Variants in BPI observed in about 807,000 individuals in gnomAD.
BPI encodes bactericidal permeability increasing protein, also known as bactericidal permeability-increasing protein.
In BPI, 48 loss-of-function variants were observed where a neutral mutation model predicts 57.6. The ratio of observed to expected loss-of-function variants is 0.83; its 90% confidence interval spans 0.66 to 1.06. The LOEUF (loss-of-function observed/expected upper bound fraction) is 1.06, where lower values mean the gene tolerates loss of function less well. Ranked by LOEUF, BPI falls within the 50% of genes least tolerant of loss-of-function variation. The pLI is 0.00. For synonymous variants in BPI, 237 were observed against 238.2 expected (o/e 0.99, Z 0.05); for missense variants, 651 against 609.7 (o/e 1.07, Z -0.71).
chr20:38,314,314 T>C (rs986917677), intron 5 of BPI, among the ~76,000 whole-genome samples: 15 of 146,498 alleles, frequency 1.0e-4, no homozygotes, highest in African/African-American at 3.1e-4. Context: ...ATGGTGATGG[T>C]GATGGTGATA....
intron 1 of BPI, among the ~76,000 whole-genome samples, chr20:38,304,611 G>A (rs1391399350): frequency 6.6e-6 from 1 of 152,198 alleles, no homozygotes. Flanking sequence ...GGGTCCTCAT[G>A]GTCCCCTCCT....
At chr20:38,318,508 G>T (rs375706152) in intron 6 of BPI, 32 bp downstream of exon 6, 36 of 1,603,178 alleles carry the variant, frequency 2.2e-5, no homozygotes, top group Non-Finnish European at 2.8e-5. Context: ...AGGATAGAAA[G>T]GAACAGAAAT....
At chr20:38,326,183 G>T (rs1220622673) in intron 9 of BPI, 82 bp from the exon 10 acceptor site, 2 of 1,396,410 alleles carry the variant, frequency 1.4e-6, no homozygotes, top group African/African-American at 1.4e-5. Context: ...AGGTATTTAA[G>T]TAGGGGCAGG....
At chr20:38,320,880 T>A (rs1175761030) in intron 7 of BPI, among the ~76,000 whole-genome samples, 1 of 25,736 alleles carries the variant, frequency 3.9e-5, no homozygotes, top group Non-Finnish European at 7.1e-5. Context: ...GATGGGTAGG[T>A]GGATGGGTGG....
intron 4 of BPI, 109 bp from the exon 5 acceptor site, chr20:38,311,765 A>C: frequency 1.8e-6 from 2 of 1,127,710 alleles, no homozygotes; most frequent in East Asian, 2.4e-5. Flanking sequence ...AGAGGGTGCC[A>C]AAACCTGTTT....
intron 5 of BPI, among the ~76,000 whole-genome samples, chr20:38,317,368 C>T (rs143695415): frequency 6.8e-4 from 104 of 152,352 alleles, no homozygotes; most frequent in Admixed American, 9.1e-4. Flanking sequence ...AAGCTCTCTG[C>T]TCCATGAGGT....
At chr20:38,329,391 C>T (rs1033488847) in intron 11 of BPI, among the ~76,000 whole-genome samples, 8 of 152,214 alleles carry the variant, frequency 5.3e-5, no homozygotes, top group African/African-American at 1.4e-4. Flanking sequence ...CACCTTGAGA[C>T]GAGCCCCAGA....
At chr20:38,304,391 A>T (rs1417418774) in intron 1 of BPI, 38 bp downstream of exon 1, 1 of 1,606,012 alleles carries the variant, frequency 6.2e-7, no homozygotes, top group Non-Finnish European at 8.5e-7. Context: ...TCCACCCCTG[A>T]GGAGCACTTA....
Position 38,314,555 on chromosome 20 carries a change from G to C in BPI, c.600+2618G>C, listed in dbSNP as rs867912555. Among the ~76,000 whole-genome samples the C allele has an allele frequency of 4.1e-5, 6 of 148,136 alleles. No individual in the cohort carries two copies. The South Asian group carries it at 1.3e-3, about 33-fold the overall frequency. Reference sequence around the variant, plus strand: ...TGATGATAATGATGGTGATGGTGATGGTGGGGATGATGATGGTGGTGATGA... The same window carrying C: ...TGATGATAATGATGGTGATGGTGATCGTGGGGATGATGATGGTGGTGATGA... On this transcript the variant is annotated intron_variant, in intron 5 of 14. Transcript: ENST00000642449.
intron 7 of BPI, among the ~76,000 whole-genome samples, chr20:38,322,486 T>C (rs572670824): frequency 6.6e-6 from 1 of 152,320 alleles, no homozygotes; most frequent in Non-Finnish European, 1.5e-5. Flanking sequence ...CTCACATAAA[T>C]GCATAAGAAA....
chr20:38,329,692 C>A (rs1056930342), intron 11 of BPI, among the ~76,000 whole-genome samples: 3 of 151,606 alleles, frequency 2.0e-5, no homozygotes, highest in Admixed American at 6.6e-5. Context: ...CTTCAAGGAG[C>A]CCTGTTCGAA....
intron 9 of BPI, 65 bp from the exon 10 acceptor site, chr20:38,326,200 T>G (rs997824855): frequency 1.3e-6 from 2 of 1,509,774 alleles, no homozygotes; most frequent in Non-Finnish European, 9.0e-7. Flanking sequence ...CAGGCCAAGG[T>G]AGGATTCAGA....
At chr20:38,323,156 G>T (rs2076695299) in intron 7 of BPI, among the ~76,000 whole-genome samples, 1 of 152,156 alleles carries the variant, frequency 6.6e-6, no homozygotes, top group South Asian at 2.1e-4. Context: ...CCATGTTGAT[G>T]ATGTTGGTGT....
At position 38,335,669 on chromosome 20, in the gene BPI, C is replaced by T. The variant is rs758365665; in HGVS notation, c.1408C>T (p.His470Tyr). The T allele has an allele frequency of 1.9e-6, 3 of 1,614,046 alleles. No individual in the cohort carries two copies. The highest frequency in any genetic ancestry group is 2.7e-5 in the African/African-American group (2 of 74,942). Residue 470 changes from histidine (H) to tyrosine (Y), a missense_variant, in exon 14 of 15, where the codon CAC becomes TAC. Physicochemically the swap from His to Tyr is moderately conservative, Grantham distance 83. Transcript: ENST00000642449. ...VQLYNVVLQP[H>Y]QNFLLFGADV... is the part of the protein sequence containing the mutation. ...GCTCTACAACGTAGTGCTTCAGCCTCACCAGGTGAGTCCCGGAGTCTTTTC... is the reference window on the plus strand; with the variant it reads ...GCTCTACAACGTAGTGCTTCAGCCTTACCAGGTGAGTCCCGGAGTCTTTTC...
At chr20:38,326,510 G>A in intron 10 of BPI, 78 bp downstream of exon 10, 3 of 1,441,886 alleles carry the variant, frequency 2.1e-6, no homozygotes, top group Non-Finnish European at 2.8e-6. Context: ...AGGAGACCAT[G>A]TGAATCCTGT....
rs563532384 is a variant in BPI, at chr20:38,316,011, T to C, written c.601-2402T>C. 1.1e-4 allele frequency among the ~76,000 whole-genome samples: 17 copies of C among 152,132 alleles called. No individual in the cohort carries two copies. The South Asian group carries it at 3.3e-3, about 30-fold the overall frequency. ...CCATGCCTGGCTAATTTTTGTATTT[T>C]TTGATAGAGACAGGAATTCACCATG... is the stretch of plus-strand genomic sequence containing the variant. On this transcript the variant is annotated intron_variant, in intron 5 of 14. Transcript: ENST00000642449.
In BPI at chr20:38,333,412, C is replaced by T. The variant is rs535336839; in HGVS notation, c.1273-1018C>T. On this transcript the variant is annotated intron_variant, in intron 12 of 14. Coordinates refer to ENST00000642449, the MANE Select transcript of BPI (RefSeq NM_001725.3). ...ACAGGCAAGCATCTTGAGGGTTTTA[C>T]ACTATTTTTAATTTTTTTTATTATT... Among the ~76,000 whole-genome samples the T allele has an allele frequency of 2.6e-5, 4 of 152,388 alleles. No individual in the cohort carries two copies. The East Asian group carries it at 5.8e-4, about 22-fold the overall frequency.
chr20:38,334,427 C>T lies in BPI; in HGVS notation c.1273-3C>T, dbSNP rs772358195. 1.1e-5 allele frequency: 17 copies of T among 1,613,606 alleles called. 1 individual carries two copies. In the South Asian group the frequency reaches 1.9e-4, roughly 18 times the overall value. On this transcript the variant is annotated splice_polypyrimidine_tract_variant and splice_region_variant and intron_variant, in intron 12 of 14. Coordinates refer to ENST00000642449, the MANE Select transcript of BPI (RefSeq NM_001725.3). ...ATCCTCCCATCCTCCCTCTGATTTCCAGGTTGAATTGCTGCAGGATATCAT... is the reference window on the plus strand; with the variant it reads ...ATCCTCCCATCCTCCCTCTGATTTCTAGGTTGAATTGCTGCAGGATATCAT...
At chr20:38,320,393 C>A in intron 7 of BPI, 119 bp downstream of exon 7, 2 of 875,102 alleles carry the variant, frequency 2.3e-6, no homozygotes, top group Non-Finnish European at 3.5e-6. Flanking sequence ...CTCACCACCA[C>A]CCTCTCTACT....
Sources: allele counts gnomAD v4.1 joint callset (sites outside exome capture counted in the v4.1 genomes callset), GRCh38; gene constraint gnomAD v4.1.1; transcripts MANE v1.5; gene names NCBI Gene and HGNC (gene_info 2026-07-23, HGNC 2026-07-21).